EVC2: variants seen among roughly 807,000 people sequenced by gnomAD.
EVC2 encodes the protein limbin.
A neutral mutation model predicts 149.3 loss-of-function variants in EVC2; 148 were observed. The ratio of observed to expected loss-of-function variants is 0.99; its 90% confidence interval spans 0.87 to 1.14. EVC2 has a LOEUF of 1.14. EVC2 is among the 50% of genes most tolerant of loss of function. The pLI, the probability that EVC2 is intolerant of heterozygous loss-of-function variation, is 0.00. For synonymous variants in EVC2, 776 were observed against 649.9 expected (o/e 1.19, Z -2.95); for missense variants, 1,854 against 1,627.3 (o/e 1.14, Z -2.40).
At chr4:5,561,546 C>A (rs1037963064), downstream of EVC2, among the ~76,000 whole-genome samples, 4 of 152,128 alleles carry the variant, frequency 2.6e-5, no homozygotes, top group Non-Finnish European at 5.9e-5. Flanking sequence ...GCAACCCCAG[C>A]GAAGGTACTT....
chr4:5,551,841 T>G (rs1223406325), intron 21 of EVC2, among the ~76,000 whole-genome samples: 2 of 152,126 alleles, frequency 1.3e-5, no homozygotes, highest in African/African-American at 4.8e-5. Context: ...TCACAAGATC[T>G]GATGATTTTT....
intron 21 of EVC2, among the ~76,000 whole-genome samples, chr4:5,557,027 T>A (rs898577092): frequency 2.0e-5 from 3 of 152,150 alleles, no homozygotes; most frequent in Admixed American, 2.0e-4. Flanking sequence ...CAATTTTCCA[T>A]AATCTCTTCT....
At chr4:5,682,888 G>A (rs1241692935) in intron 6 of EVC2, among the ~76,000 whole-genome samples, 1 of 151,618 alleles carries the variant, frequency 6.6e-6, no homozygotes, top group Non-Finnish European at 1.5e-5. Flanking sequence ...ACCAGACCTT[G>A]GGACTTAGAG....
chr4:5,530,117 C>A, the EVC2 span, among the ~76,000 whole-genome samples: 1 of 152,270 alleles, frequency 6.6e-6, no homozygotes, highest in East Asian at 1.9e-4. Flanking sequence ...CCAGCCAGTT[C>A]TTTAGTTTCT....
Position 5,614,177 on chromosome 4 carries a change from C to A in EVC2, c.2829+1245G>T, listed in dbSNP as rs982002101. 6.6e-6 allele frequency among the ~76,000 whole-genome samples: 1 copy of A among 152,182 alleles called. No individual in the cohort carries two copies. The highest frequency in any genetic ancestry group is 1.5e-5 in the Non-Finnish European group (1 of 68,032). Reference sequence around the variant, plus strand: ...CAGCACCTTTGCAGAGGAGACCCTGCCTCCTCTCCTACCTACAGTCCACCC... The same window carrying A: ...CAGCACCTTTGCAGAGGAGACCCTGACTCCTCTCCTACCTACAGTCCACCC... On this transcript the variant is annotated intron_variant, in intron 16 of 21. Coordinates refer to ENST00000344408, the MANE Select transcript of EVC2 (RefSeq NM_147127.5). The surrounding 1 kb of genome is among the most constrained non-coding windows in gnomAD (Gnocchi z 4.7).
chr4:5,658,013 T>A (rs1336815441), intron 9 of EVC2, among the ~76,000 whole-genome samples: 1 of 152,120 alleles, frequency 6.6e-6, no homozygotes, highest in African/African-American at 2.4e-5. Flanking sequence ...ATTAGAAGCA[T>A]CCTCTCCAAG....
At chr4:5,626,191 T>G (rs1004335961) in intron 12 of EVC2, among the ~76,000 whole-genome samples, 2 of 152,122 alleles carry the variant, frequency 1.3e-5, no homozygotes, top group African/African-American at 4.8e-5. Context: ...AGACAGAAGT[T>G]TCCAAGGTGA....
Position 5,683,586 on chromosome 4 carries a change from T to G in EVC2, c.816+1784A>C, listed in dbSNP as rs115393024. 1.8e-3 allele frequency among the ~76,000 whole-genome samples: 275 copies of G among 152,164 alleles called. 2 individuals carry two copies. Among genetic ancestry groups the G allele is most frequent in the African/African-American group, 6.1e-3 (252 of 41,526 alleles). ...CCCTGGTTTCACGGAGCTGACATTC[T>G]AGTGAGGGAGTGGGGGAGGGGTTCC... On this transcript the variant is annotated intron_variant, in intron 6 of 21. Transcript: ENST00000344408.
chr4:5,642,213 T>C lies in EVC2; in HGVS notation c.1146-1375A>G, dbSNP rs142822725. Among the ~76,000 whole-genome samples, 790 of 152,322 alleles carry C rather than the reference T, an allele frequency of 5.2e-3. 12 individuals are homozygous for C. Among genetic ancestry groups the C allele is most frequent in the African/African-American group, 0.016 (678 of 41,564 alleles). On this transcript the variant is annotated intron_variant, in intron 9 of 21. Transcript: ENST00000344408. Reference sequence around the variant, plus strand: ...GGGCATTTGGGTTGGTTCCAAGTCCTTGCTATTGTAAATAGTGCTGCACGT... The same window carrying C: ...GGGCATTTGGGTTGGTTCCAAGTCCCTGCTATTGTAAATAGTGCTGCACGT...
chr4:5,588,417 T>C (rs530507579), intron 16 of EVC2, among the ~76,000 whole-genome samples: 12 of 152,306 alleles, frequency 7.9e-5, no homozygotes, highest in African/African-American at 2.9e-4. Flanking sequence ...GCTTCTTAAA[T>C]CTGTGAGTTT....
At chr4:5,595,529 G>C (rs1013183875) in intron 16 of EVC2, among the ~76,000 whole-genome samples, 4 of 152,112 alleles carry the variant, frequency 2.6e-5, no homozygotes, top group Non-Finnish European at 5.9e-5. Flanking sequence ...GAGAGATTTT[G>C]TCACCACCAG....
intron 1 of EVC2, among the ~76,000 whole-genome samples, chr4:5,702,966 G>A (rs1721918361): frequency 6.6e-6 from 1 of 152,116 alleles, no homozygotes; most frequent in Admixed American, 6.5e-5. Context: ...TTTACCAACA[G>A]AGTAAATACA....
chr4:5,575,865 A>T (rs1187958058), intron 18 of EVC2, among the ~76,000 whole-genome samples: 1 of 152,230 alleles, frequency 6.6e-6, no homozygotes, highest in African/African-American at 2.4e-5. Flanking sequence ...CCTGTAGTCT[A>T]GTTCACTGTC....
At chr4:5,539,953 T>G (rs1157649856), downstream of EVC2, among the ~76,000 whole-genome samples, 1 of 152,174 alleles carries the variant, frequency 6.6e-6, no homozygotes, top group African/African-American at 2.4e-5. Flanking sequence ...ACTGCAGAAT[T>G]GGAGAAAATA....
intron 13 of EVC2, among the ~76,000 whole-genome samples, chr4:5,624,709 A>G (rs1367348715): frequency 6.6e-6 from 1 of 152,096 alleles, no homozygotes; most frequent in Non-Finnish European, 1.5e-5. Flanking sequence ...CCATCCCTTA[A>G]CCAGTGGCTC....
At chr4:5,695,674 C>T (rs1237579615) in intron 2 of EVC2, among the ~76,000 whole-genome samples, 1 of 152,206 alleles carries the variant, frequency 6.6e-6, no homozygotes, top group Non-Finnish European at 1.5e-5. Context: ...GTATCCAATG[C>T]TTCAAGTCAG....
At chr4:5,676,747 T>C (rs1044891340) in intron 7 of EVC2, among the ~76,000 whole-genome samples, 2 of 152,200 alleles carry the variant, frequency 1.3e-5, no homozygotes, top group African/African-American at 4.8e-5. Flanking sequence ...ACCCAGCCCA[T>C]GGAGTTCTCT....
rs569706468 is a variant in EVC2, at chr4:5,653,017, C to T, written c.1145+10090G>A. 2.0e-3 allele frequency among the ~76,000 whole-genome samples: 308 copies of T among 152,268 alleles called. 2 individuals carry two copies. Among genetic ancestry groups the T allele is most frequent in the African/African-American group, 7.0e-3 (291 of 41,548 alleles). ...CTCCTGCAGGCTGTGAGGGAGGATC[C>T]GTTCCATGCCAGCTCGGTGTTGCCA... On this transcript the variant is annotated intron_variant, in intron 9 of 21. Coordinates refer to ENST00000344408, the MANE Select transcript of EVC2 (RefSeq NM_147127.5).
rs915006493 is a variant in EVC2, at chr4:5,568,541, G to A, written c.3460C>T (p.Gln1154Ter). ...GCCGAATCCAGCAGGGCCAGCAGCT[G>A]AGGCTGTGAGGCTGTGGGCAGTACC... ...SVVLPTASQP[Q>*]LLALLDSATE... The change falls in exon 20 of 22, where the codon CAG (glutamine) becomes TAG (stop). Residue 1154 changes from glutamine (Q) to a stop codon, truncating the protein, a stop_gained. Transcript: ENST00000344408. LOFTEE classifies it high-confidence loss of function. The A allele has an allele frequency of 6.2e-7, 1 of 1,602,068 alleles. No homozygotes were observed. Among genetic ancestry groups the A allele is most frequent in the African/African-American group, 1.3e-5 (1 of 74,820 alleles).
Sources: allele counts gnomAD v4.1 joint callset (sites outside exome capture counted in the v4.1 genomes callset), GRCh38; gene constraint gnomAD v4.1.1; non-coding constraint Gnocchi (gnomAD v3.1); transcripts MANE v1.5; gene names NCBI Gene and HGNC (gene_info 2026-07-23, HGNC 2026-07-21).